SORCS3: variants seen among roughly 807,000 people sequenced by gnomAD.
The protein encoded by SORCS3 is sortilin related VPS10 domain containing receptor 3, also known as VPS10 domain-containing receptor SorCS3.
A neutral mutation model predicts 146.3 loss-of-function variants in SORCS3; 57 were observed. The ratio of observed to expected loss-of-function variants is 0.39; its 90% CI spans 0.31 to 0.49. SORCS3 has a LOEUF of 0.49. Ranked by LOEUF, SORCS3 falls within the 20% of genes least tolerant of loss-of-function variation. The pLI, the probability that SORCS3 is intolerant of heterozygous loss-of-function variation, is 0.92. For missense variants in SORCS3, 1,341 were observed against 1,575.5 expected, an observed-to-expected ratio of 0.85 and a Z score of 2.52; for synonymous variants, 653 against 618.5, an observed-to-expected ratio of 1.06 and a Z score of -0.83.
At chr10:105,218,104 A>T (rs998619263) in intron 19 of SORCS3, among the ~76,000 whole-genome samples, 2 of 152,208 alleles carry the variant, frequency 1.3e-5, no homozygotes, top group African/African-American at 4.8e-5. Flanking sequence ...TCCCTGGCAA[A>T]CAGTAAGCTA....
chr10:104,669,617 T>A (rs967794195), intron 1 of SORCS3, among the ~76,000 whole-genome samples: 1 of 152,256 alleles, frequency 6.6e-6, no homozygotes, highest in Non-Finnish European at 1.5e-5. Flanking sequence ...ATTTACCATG[T>A]TTTGTTTATC....
chr10:105,045,282 T>C (rs144079571), intron 5 of SORCS3, among the ~76,000 whole-genome samples: 55 of 152,250 alleles, frequency 3.6e-4, no homozygotes, highest in Non-Finnish European at 5.4e-4. Context: ...TCTTCCTTTA[T>C]GCAGTAAAAA....
chr10:104,831,978 A>G (rs1051846704), intron 1 of SORCS3, among the ~76,000 whole-genome samples: 1 of 152,194 alleles, frequency 6.6e-6, no homozygotes, highest in African/African-American at 2.4e-5. Context: ...CGTAATTGCT[A>G]TTATATTCAT....
At chr10:104,657,756 A>G (rs1164014201) in intron 1 of SORCS3, among the ~76,000 whole-genome samples, 2 of 152,186 alleles carry the variant, frequency 1.3e-5, no homozygotes, top group South Asian at 2.1e-4. Context: ...GTTGAAATCA[A>G]TTTTAGCTCT....
At chr10:105,166,877 A>T (rs930049722) in intron 12 of SORCS3, among the ~76,000 whole-genome samples, 2 of 152,188 alleles carry the variant, frequency 1.3e-5, no homozygotes, top group Admixed American at 6.5e-5. Flanking sequence ...ATCTGAATAG[A>T]TGAGGAAGAA....
chr10:104,714,632 A>G (rs1005665322), intron 1 of SORCS3, among the ~76,000 whole-genome samples: 1 of 152,174 alleles, frequency 6.6e-6, no homozygotes, highest in Non-Finnish European at 1.5e-5. Flanking sequence ...AAGGATTTCT[A>G]TTCTTTTAAA....
intron 7 of SORCS3, among the ~76,000 whole-genome samples, chr10:105,108,313 G>A (rs376422518): frequency 2.3e-4 from 35 of 152,156 alleles, no homozygotes; most frequent in South Asian, 8.3e-4. Context: ...GTTCAGGAGC[G>A]GGGGTTCGTC....
chr10:104,894,024 A>G (rs901354085), intron 2 of SORCS3, among the ~76,000 whole-genome samples: 1 of 151,588 alleles, frequency 6.6e-6, no homozygotes, highest in East Asian at 1.9e-4. Context: ...AGGCCTTTCT[A>G]TTTTTTTCAC....
chr10:104,813,788 A>G (rs773190134), intron 1 of SORCS3, among the ~76,000 whole-genome samples: 7 of 152,102 alleles, frequency 4.6e-5, no homozygotes, highest in Non-Finnish European at 8.8e-5. Flanking sequence ...CCAGGACGAT[A>G]ATGTTTTCAT....
intron 22 of SORCS3, among the ~76,000 whole-genome samples, chr10:105,248,050 G>C (rs1377423693): frequency 6.6e-6 from 1 of 152,186 alleles, no homozygotes; most frequent in Non-Finnish European, 1.5e-5. Flanking sequence ...CTACAGGCCA[G>C]GAAACAGAGC....
chr10:104,819,518 A>G (rs2017848496), intron 1 of SORCS3, among the ~76,000 whole-genome samples: 1 of 152,216 alleles, frequency 6.6e-6, no homozygotes, highest in South Asian at 2.1e-4. Flanking sequence ...TGCACATTTC[A>G]TGTGCCAGGT....
intron 4 of SORCS3, among the ~76,000 whole-genome samples, chr10:105,026,431 G>A (rs1283579430): frequency 6.6e-6 from 1 of 152,154 alleles, no homozygotes; most frequent in Non-Finnish European, 1.5e-5. Context: ...ATGCATGAAA[G>A]GAAGCAAAAT....
At chr10:105,144,910 C>A (rs1171564255) in intron 8 of SORCS3, among the ~76,000 whole-genome samples, 7 of 152,010 alleles carry the variant, frequency 4.6e-5, no homozygotes, top group Non-Finnish European at 8.8e-5. Flanking sequence ...TTGGTTGACC[C>A]CATTCAACCA....
intron 5 of SORCS3, 136 bp downstream of exon 5, chr10:105,043,264 G>C: frequency 1.4e-6 from 1 of 728,432 alleles, no homozygotes; most frequent in Non-Finnish European, 2.3e-6. Context: ...GTGGTTTGTA[G>C]AATAGCAGCA....
chr10:104,960,037 C>T (rs183572110), intron 3 of SORCS3, among the ~76,000 whole-genome samples: 114 of 152,150 alleles, frequency 7.5e-4, no homozygotes, highest in Middle Eastern at 3.4e-3. Context: ...CCTTGTTCTG[C>T]GTTGATCACA....
chr10:104,761,249 A>G (rs1447051227), intron 1 of SORCS3, among the ~76,000 whole-genome samples: 1 of 152,306 alleles, frequency 6.6e-6, no homozygotes, highest in South Asian at 2.1e-4. Context: ...ACATTACTAC[A>G]GTGGCATTTT....
At position 104,950,404 on chromosome 10, in the gene SORCS3, T is replaced by C. The variant is rs148166245; in HGVS notation, c.796-26931T>C. 1.1e-4 allele frequency among the ~76,000 whole-genome samples: 16 copies of C among 152,288 alleles called. No homozygotes were observed. The East Asian group carries it at 3.1e-3, about 29-fold the overall frequency. Reference sequence around the variant, plus strand: ...GTATGTTGCTTAATCTCACCGGACTTTTCTCTGAAAATTGTGGTTAATAAA... The same window carrying C: ...GTATGTTGCTTAATCTCACCGGACTCTTCTCTGAAAATTGTGGTTAATAAA... On this transcript the variant is annotated intron_variant, in intron 3 of 26. Coordinates refer to ENST00000369701, the MANE Select transcript of SORCS3 (RefSeq NM_014978.3).
intron 3 of SORCS3, among the ~76,000 whole-genome samples, chr10:104,918,213 G>T (rs74734022): frequency 5.3e-5 from 8 of 152,074 alleles, no homozygotes; most frequent in Admixed American, 5.2e-4. Flanking sequence ...TGAGGACTTC[G>T]TGGACACCTC....
At chr10:104,973,735 T>G (rs996798405) in intron 3 of SORCS3, among the ~76,000 whole-genome samples, 1 of 149,120 alleles carries the variant, frequency 6.7e-6, no homozygotes, top group Non-Finnish European at 1.5e-5. Context: ...TGCCTTCTGC[T>G]AGCTTTTGAA....
Sources: gnomAD v4.1 joint callset for allele counts (sites outside exome capture counted in the v4.1 genomes callset) on GRCh38, gnomAD v4.1.1 for gene constraint, MANE v1.5 for transcripts, NCBI Gene and HGNC (gene_info 2026-07-23, HGNC 2026-07-21) for gene names.